Variants in PROX2 observed in about 807,000 individuals in gnomAD.
The protein encoded by PROX2 is prospero homeobox protein 2.
In PROX2, 46 loss-of-function variants were observed where a neutral mutation model predicts 48.9. The observed-to-expected ratio is 0.94, with a 90% CI of 0.74 to 1.20. The LOEUF is 1.20. Ranked by LOEUF, PROX2 falls within the 50% of genes most tolerant of loss-of-function variation. The pLI is 0.00. For synonymous variants in PROX2, 260 were observed against 276.6 expected, an observed-to-expected ratio of 0.94 and a Z score of 0.60; for missense variants, 663 against 719.4, an observed-to-expected ratio of 0.92 and a Z score of 0.90.
Position 74,854,336 on chromosome 14 carries a change from G to C in PROX2, c.*796C>G, listed in dbSNP as rs1480954490. On this transcript the variant is annotated 3_prime_UTR_variant, in exon 6 of 6. Coordinates refer to ENST00000556489, the MANE Select transcript of PROX2 (RefSeq NM_001243007.2). ...CTGAAATGATCAGCAGAAATCTTGG[G>C]CGGTGAAGTGCTCCTAAGTGCTGGG... The C allele has an allele frequency of 2.5e-6, 1 of 406,762 alleles. No individual in the cohort carries two copies. Among genetic ancestry groups the C allele is most frequent in the Non-Finnish European group, 5.0e-6 (1 of 201,422 alleles). The allele number at this position is 406,762 out of a possible 1,614,324, so 25.2% of individuals were successfully genotyped here.
rs1326060292 is a variant in PROX2, at chr14:74,854,168, T to G, written c.*964A>C. The stretch of plus-strand genomic sequence containing the variant: ...ACCTTTCACAGTCTGAAGTTCAGCT[T>G]CTTCTGCATATATGAGGTTGGGGCA... On this transcript the variant is annotated 3_prime_UTR_variant, in exon 6 of 6. Coordinates refer to ENST00000556489, the MANE Select transcript of PROX2 (RefSeq NM_001243007.2). 5.1e-6 allele frequency: 2 copies of G among 390,144 alleles called. No homozygotes were observed. Among genetic ancestry groups the G allele is most frequent in the African/African-American group, 2.1e-5 (1 of 47,776 alleles). 24.2% of individuals were successfully genotyped at this position (390,144 alleles called of 1,614,324 possible).
At chr14:74,870,346 G>A (rs1883178749) in intron 2 of PROX2, among the ~76,000 whole-genome samples, 1 of 149,508 alleles carries the variant, frequency 6.7e-6, no homozygotes. Context: ...GGATCACTGA[G>A]ACCAAGAAGT....
Position 74,862,960 on chromosome 14 carries a change from A to T in PROX2, c.875T>A (p.Val292Asp). Residue 292 changes from valine to aspartate, a missense_variant, in exon 3 of 6, where the codon GTC becomes GAC. Transcript: ENST00000556489. ...TACTGGGACCCCAGCTTGTAGCTGG[A>T]CCCTCCTGGGCAAGGCAGCCAAAGC... ...PLALAALPRR[V>D]QLQAGVPVGN... The T allele has an allele frequency of 6.2e-7, 1 of 1,613,850 alleles. No individual in the cohort carries two copies. Among genetic ancestry groups the T allele is most frequent in the Non-Finnish European group, 8.5e-7 (1 of 1,179,844 alleles).
At chr14:74,872,297 G>A (rs1243822796) in intron 1 of PROX2, among the ~76,000 whole-genome samples, 1 of 152,068 alleles carries the variant, frequency 6.6e-6, no homozygotes, top group Non-Finnish European at 1.5e-5. Context: ...GTTTTTGTTG[G>A]GAAAACATGT....
chr14:74,863,598 C>T lies in PROX2; in HGVS notation c.237G>A (p.Pro79=), dbSNP rs749903509. ...GCGCATTGCCTGGCACCAGAGGATT[C>T]GGGGAGAGACACATGCCTCGGACAA... ...ETIVRGMCLS[P]NPLVPGNAQA... Residue 79 remains proline, a synonymous_variant, in exon 3 of 6, where the codon CCG becomes CCA. Transcript: ENST00000556489. 2.7e-5 allele frequency: 44 copies of T among 1,608,980 alleles called. No homozygotes were observed. The African/African-American group carries it at 4.1e-4, about 15-fold the overall frequency.
rs1036981841 is a variant in PROX2 at position 74,855,031 on chromosome 14, G to A, written c.*101C>T. The A allele has an allele frequency of 1.3e-5, 9 of 680,200 alleles. No individual in the cohort carries two copies. The highest frequency in any genetic ancestry group is 2.0e-5 in the Non-Finnish European group (9 of 440,648). The allele number at this position is 680,200 out of a possible 1,614,324, so 42.1% of individuals were successfully genotyped here. A position where few individuals can be genotyped will look rare whatever the true frequency, so the allele number is the denominator to read the frequency against. On this transcript the variant is annotated 3_prime_UTR_variant, in exon 6 of 6. Transcript: ENST00000556489. ...CTGTTTTGATAGAGGAGATTTCCTTGTGCCCTTTTTATATGACTACAGCTA... is the reference window on the plus strand; with the variant it reads ...CTGTTTTGATAGAGGAGATTTCCTTATGCCCTTTTTATATGACTACAGCTA...
chr14:74,874,155 A>C (rs1236490713), intron 1 of PROX2: 3 of 512,300 alleles, frequency 5.9e-6, no homozygotes, highest in Non-Finnish European at 1.2e-5. Context: ...TCTTTACACA[A>C]ATCCTCAGAG....
At position 74,862,737 on chromosome 14, in the gene PROX2, G is replaced by T. The variant is rs1218701236; in HGVS notation, c.1098C>A (p.Asp366Glu). The T allele has an allele frequency of 3.7e-6, 6 of 1,613,834 alleles. No individual in the cohort carries two copies. Among genetic ancestry groups the T allele is most frequent in the Non-Finnish European group, 5.1e-6 (6 of 1,179,870 alleles). The change falls in exon 3 of 6, where the codon GAC becomes GAA. Residue 366 changes from aspartate (D) to glutamate (E), a missense_variant. Asp to Glu is a conservative substitution (Grantham distance 45). Transcript: ENST00000556489. ...AGGAGGGGTGCCTCTGGGAAGATGA[G>T]TCCTGGGGAGGACTGCTACTCCAAT... ...NGHWSSSPPQDSSSQRHPSSE... is the reference protein window; with the variant it reads ...NGHWSSSPPQESSSQRHPSSE...
intron 1 of PROX2, among the ~76,000 whole-genome samples, chr14:74,874,409 A>G (rs1389903399): frequency 6.6e-6 from 1 of 151,362 alleles, no homozygotes; most frequent in Non-Finnish European, 1.5e-5. Flanking sequence ...CCCACCACCG[A>G]GTCCAGCTAG....
chr14:74,861,543 G>T (rs548398732), intron 3 of PROX2, among the ~76,000 whole-genome samples: 1 of 152,328 alleles, frequency 6.6e-6, no homozygotes, highest in Non-Finnish European at 1.5e-5. Flanking sequence ...TAAGAGAGTA[G>T]TGTCTACTTA....
In PROX2 at chr14:74,853,671, G is replaced by A. The variant is rs2091721144; in HGVS notation, c.*1461C>T. 1 of 152,118 alleles carries A rather than the reference G, an allele frequency of 6.6e-6. No individual in the cohort carries two copies. Among genetic ancestry groups the A allele is most frequent in the Admixed American group, 6.5e-5 (1 of 15,274 alleles). The allele number at this position is 152,118 out of a possible 1,614,324, so 9.4% of individuals were successfully genotyped here. ...GAAAAATTATGGAAGTTGAGTAGCCGAATATGAAACTTGTTTTATATAGAC... is the reference window on the plus strand; with the variant it reads ...GAAAAATTATGGAAGTTGAGTAGCCAAATATGAAACTTGTTTTATATAGAC... On this transcript the variant is annotated 3_prime_UTR_variant, in exon 6 of 6. Coordinates refer to ENST00000556489, the MANE Select transcript of PROX2 (RefSeq NM_001243007.2).
Position 74,854,166 on chromosome 14 carries a change from C to G in PROX2, c.*966G>C. ...CTACCTTTCACAGTCTGAAGTTCAG[C>G]TTCTTCTGCATATATGAGGTTGGGG... On this transcript the variant is annotated 3_prime_UTR_variant, in exon 6 of 6. Transcript: ENST00000556489. 2.6e-6 allele frequency: 1 copy of G among 388,092 alleles called. No homozygotes were observed. Among genetic ancestry groups the G allele is most frequent in the South Asian group, 1.8e-5 (1 of 54,232 alleles). The allele number at this position is 388,092 out of a possible 1,614,324, so 24.0% of individuals were successfully genotyped here.
rs1187234515 is a variant in PROX2 at position 74,858,506 on chromosome 14, C to T, written c.1314G>A (p.Glu438=). 1.9e-6 allele frequency: 3 copies of T among 1,558,536 alleles called. No individual in the cohort carries two copies. Among genetic ancestry groups the T allele is most frequent in the East Asian group, 4.7e-5 (2 of 42,890 alleles). ...TCTTCAAGTGACCAGGGTTTAGACC[C>T]TCCTGGATTTATCTCAGTGTCAAGG... ...ALPFSLVHIQ[E]GLNPGHLKKA... The change falls in exon 4 of 6, where the codon GAG becomes GAA. Residue 438 remains glutamate, a synonymous_variant. Transcript: ENST00000556489.
chr14:74,868,770 G>A (rs1323131172), intron 2 of PROX2, among the ~76,000 whole-genome samples: 4 of 151,888 alleles, frequency 2.6e-5, no homozygotes, highest in East Asian at 1.9e-4. Flanking sequence ...CCAGGGGGGC[G>A]GAGCCTGCAG....
rs367581955 is a variant in PROX2 at position 74,873,968 on chromosome 14, A to G, written c.-310+1927T>C. On this transcript the variant is annotated intron_variant, in intron 1 of 5. Transcript: ENST00000556489. ...TGGAAATAGTTAATAGGAATGTGGAAGAGTTTGAGTTAACAAATATTGACA... is the reference window on the plus strand; with the variant it reads ...TGGAAATAGTTAATAGGAATGTGGAGGAGTTTGAGTTAACAAATATTGACA... 12 of 493,226 alleles carry G rather than the reference A, an allele frequency of 2.4e-5. No homozygotes were observed. In the East Asian group the frequency reaches 4.9e-4, roughly 20 times the overall value. 30.6% of individuals were successfully genotyped at this position (493,226 alleles called of 1,614,324 possible). A position where few individuals can be genotyped will look rare whatever the true frequency, so the allele number is the denominator to read the frequency against.
chr14:74,862,263 G>A lies in PROX2; in HGVS notation c.1305+267C>T, dbSNP rs535692581. On this transcript the variant is annotated intron_variant, in intron 3 of 5. Transcript: ENST00000556489. Reference sequence around the variant, plus strand: ...TGTTGCCCAGCTGGAGTGCAGTGGTGCAATCATAGCTCACTGTAACCTCGA... The same window carrying A: ...TGTTGCCCAGCTGGAGTGCAGTGGTACAATCATAGCTCACTGTAACCTCGA... 1.8e-4 allele frequency among the ~76,000 whole-genome samples: 28 copies of A among 152,322 alleles called. No homozygotes were observed. The East Asian group carries it at 3.7e-3, about 20-fold the overall frequency.
chr14:74,860,520 A>C (rs1169495737), intron 3 of PROX2, among the ~76,000 whole-genome samples: 3 of 152,080 alleles, frequency 2.0e-5, no homozygotes, highest in Non-Finnish European at 4.4e-5. Flanking sequence ...GTGTTCTGTC[A>C]ATGCTCCCCT....
chr14:74,855,340 T>C (rs2091735343), intron 5 of PROX2, 38 bp from the exon 6 acceptor site: 4 of 1,492,858 alleles, frequency 2.7e-6, no homozygotes, highest in Non-Finnish European at 3.6e-6. Context: ...AGAAAAGACG[T>C]GAGGTTGGGA....
chr14:74,875,693 C>G (rs531713512), intron 1 of PROX2, among the ~76,000 whole-genome samples: 1 of 152,236 alleles, frequency 6.6e-6, no homozygotes, highest in South Asian at 2.1e-4. Context: ...GTCTCCATGT[C>G]TATAATTTGC....
Sources: gnomAD v4.1 joint callset for allele counts (sites outside exome capture counted in the v4.1 genomes callset) on GRCh38, gnomAD v4.1.1 for gene constraint, MANE v1.5 for transcripts, NCBI Gene and HGNC (gene_info 2026-07-23, HGNC 2026-07-21) for gene names.